DACH2: variants seen among roughly 807,000 people sequenced by gnomAD.
DACH2 encodes the protein dachshund homolog 2.
In DACH2, 17 loss-of-function variants were observed where a neutral mutation model predicts 35.8. That is an observed-to-expected ratio of 0.48 (90% CI 0.33 to 0.71). The LOEUF (loss-of-function observed/expected upper bound fraction) is 0.71. Ranked by LOEUF, DACH2 falls within the 30% of genes least tolerant of loss-of-function variation. The pLI is 0.02. For synonymous variants in DACH2, 195 were observed against 177.3 expected (o/e 1.10, Z -0.79); for missense variants, 469 against 472.7 (o/e 0.99, Z 0.07).
At chrX:86,221,526 G>T (rs1381717651) in intron 1 of DACH2, among the ~76,000 whole-genome samples, 2 of 111,463 alleles carry the variant, frequency 1.8e-5, no homozygotes, top group Non-Finnish European at 3.8e-5. Context: ...TTTTTGTCAA[G>T]ACTGCTTTGG....
At chrX:86,796,648 G>C (rs974078959) in intron 7 of DACH2, among the ~76,000 whole-genome samples, 19 of 111,990 alleles carry the variant, frequency 1.7e-4, no homozygotes, top group Non-Finnish European at 2.6e-4. Flanking sequence ...TCATGTTGCA[G>C]AATTTCTCTG....
chrX:86,454,173 A>G (rs2148201047), intron 2 of DACH2, among the ~76,000 whole-genome samples: 1 of 111,437 alleles, frequency 9.0e-6, no homozygotes, highest in East Asian at 2.8e-4. Context: ...TTCTAATTTT[A>G]GGTGACCTGA....
chrX:86,781,670 A>G (rs1314398610), intron 7 of DACH2, among the ~76,000 whole-genome samples: 1 of 111,308 alleles, frequency 9.0e-6, no homozygotes, highest in Non-Finnish European at 1.9e-5. Flanking sequence ...GTTCTCTAGA[A>G]GGACAGAACT....
At chrX:86,652,084 C>G (rs984981622) in intron 4 of DACH2, among the ~76,000 whole-genome samples, 9 of 111,178 alleles carry the variant, frequency 8.1e-5, no homozygotes, top group African/African-American at 2.9e-4. Context: ...CTTTTCTGAA[C>G]TTCTCCCTCC....
intron 4 of DACH2, among the ~76,000 whole-genome samples, chrX:86,692,117 C>A: frequency 9.0e-6 from 1 of 111,626 alleles, no homozygotes; most frequent in South Asian, 3.8e-4. Flanking sequence ...GAATGTTCCA[C>A]ACTCCTCAGC....
intron 1 of DACH2, among the ~76,000 whole-genome samples, chrX:86,340,775 T>C (rs2035399566): frequency 8.9e-6 from 1 of 111,911 alleles, no homozygotes; most frequent in Non-Finnish European, 1.9e-5. Flanking sequence ...AACACACGGA[T>C]AATAAAGTGA....
At chrX:86,632,315 G>A (rs5923576) in intron 3 of DACH2, among the ~76,000 whole-genome samples, 43 of 110,871 alleles carry the variant, frequency 3.9e-4, no homozygotes, top group South Asian at 2.6e-3. Context: ...GACTGACTGC[G>A]TTATCTTTAG....
At chrX:86,570,739 A>T (rs2039356031) in intron 3 of DACH2, among the ~76,000 whole-genome samples, 1 of 111,347 alleles carries the variant, frequency 9.0e-6, no homozygotes, top group Admixed American at 9.6e-5. Flanking sequence ...AACTTAAAAA[A>T]AAAAGTCTGT....
At chrX:86,339,621 C>A (rs2035379235) in intron 1 of DACH2, among the ~76,000 whole-genome samples, 1 of 111,410 alleles carries the variant, frequency 9.0e-6, no homozygotes, top group African/African-American at 3.3e-5. Context: ...GGTCACATAG[C>A]TAATAAGTGG....
chrX:86,349,041 C>T (rs2035544634), intron 1 of DACH2, among the ~76,000 whole-genome samples: 1 of 112,668 alleles, frequency 8.9e-6, no homozygotes, highest in African/African-American at 3.2e-5. Flanking sequence ...CAATTAGACC[C>T]TCTGCCTTAT....
chrX:86,495,071 C>T (rs929088464), intron 2 of DACH2, among the ~76,000 whole-genome samples: 4 of 110,325 alleles, frequency 3.6e-5, no homozygotes, highest in East Asian at 2.9e-4. Context: ...TTTTGGAGAC[C>T]GAGTCTTGCT....
chrX:86,691,483 C>A (rs780628023), intron 4 of DACH2, among the ~76,000 whole-genome samples: 1 of 111,583 alleles, frequency 9.0e-6, no homozygotes, highest in Non-Finnish European at 1.9e-5. Context: ...TACACCTACT[C>A]TGTACCCACA....
chrX:86,645,209 C>T (rs1227647577), intron 3 of DACH2, among the ~76,000 whole-genome samples: 2 of 110,311 alleles, frequency 1.8e-5, no homozygotes, highest in Non-Finnish European at 3.8e-5. Context: ...GGGACTTAAA[C>T]AAATTTACAA....
intron 3 of DACH2, among the ~76,000 whole-genome samples, chrX:86,599,327 TTCTC>T (rs1569449881): frequency 9.0e-6 from 1 of 110,780 alleles, no homozygotes; most frequent in African/African-American, 3.3e-5. Flanking sequence ...TCTTCTTTCT[TTCTC>T]TTTCTTTCTT....
At chrX:86,645,731 C>G (rs768263085) in intron 3 of DACH2, among the ~76,000 whole-genome samples, 3 of 110,924 alleles carry the variant, frequency 2.7e-5, no homozygotes, top group Admixed American at 1.9e-4. Flanking sequence ...TAAAAAGGAA[C>G]AAGATCATGC....
At chrX:86,478,274 C>T (rs1022132322) in intron 2 of DACH2, among the ~76,000 whole-genome samples, 2 of 111,812 alleles carry the variant, frequency 1.8e-5, no homozygotes, top group African/African-American at 6.5e-5. Flanking sequence ...TTTTGCATTT[C>T]GTGCAGGACA....
In DACH2 at chrX:86,432,211, G is replaced by A. The variant is rs186819037; in HGVS notation, c.527+55349G>A. Among the ~76,000 whole-genome samples, 29 of 112,246 alleles carry A rather than the reference G, an allele frequency of 2.6e-4. No individual in the cohort carries two copies. In the East Asian group the frequency reaches 3.1e-3, roughly 12 times the overall value. ...ACTTAGAATATCAGAATCTTGGAAT[G>A]GTTTGAGCAACAGAAAAGAAGCTGA... On this transcript the variant is annotated intron_variant, in intron 2 of 11. Coordinates refer to ENST00000373125, the MANE Select transcript of DACH2 (RefSeq NM_053281.3).
intron 3 of DACH2, among the ~76,000 whole-genome samples, chrX:86,544,330 A>G (rs67042048): frequency 0.022 from 2,424 of 110,951 alleles, 62 homozygotes; most frequent in African/African-American, 0.075. Context: ...AATCCCTAAG[A>G]CATATAGTCA....
intron 3 of DACH2, among the ~76,000 whole-genome samples, chrX:86,546,339 C>CTCCTCTTCTTCT (rs1380637599): frequency 3.3e-4 from 22 of 67,185 alleles, no homozygotes; most frequent in South Asian, 8.3e-4. Flanking sequence ...CTTCTTCTTC[C>CTCCTCTTCTTCT]TCTTCTTCTT....
Sources: gnomAD v4.1 joint callset for allele counts (sites outside exome capture counted in the v4.1 genomes callset) on GRCh38, gnomAD v4.1.1 for gene constraint, MANE v1.5 for transcripts, NCBI Gene and HGNC (gene_info 2026-07-23, HGNC 2026-07-21) for gene names.